The following C10orf143 variants were observed in gnomAD, a reference collection of about 807,000 sequenced individuals.
C10orf143 encodes the protein uncharacterized protein C10orf143.
At chr10:130,060,340 T>C (rs1860840252), downstream of C10orf143, among the ~76,000 whole-genome samples, 1 of 152,192 alleles carries the variant, frequency 6.6e-6, no homozygotes, top group South Asian at 2.1e-4. Flanking sequence ...TATAAGGATG[T>C]TTAGACAGCA....
chr10:130,101,077 G>A, intron 1 of C10orf143: 1 of 151,986 alleles, frequency 6.6e-6, no homozygotes, highest in East Asian at 1.9e-4. Flanking sequence ...AAATTAGCGG[G>A]GTGTGGTGGA....
At chr10:130,087,026 C>T (rs557492297) in intron 1 of C10orf143, among the ~76,000 whole-genome samples, 1 of 152,328 alleles carries the variant, frequency 6.6e-6, no homozygotes, top group African/African-American at 2.4e-5. Flanking sequence ...TACTCTGCCA[C>T]CAAGGCGAGC....
intron 3 of C10orf143, chr10:130,067,954 AG>A (rs1564958488): frequency 6.6e-6 from 1 of 152,392 alleles, no homozygotes; most frequent in Non-Finnish European, 1.5e-5. Flanking sequence ...GGGAGCCGCG[AG>A]GGACAGTGCA....
intron 3 of C10orf143, among the ~76,000 whole-genome samples, chr10:130,045,484 C>T (rs556151799): frequency 3.3e-5 from 5 of 152,362 alleles, no homozygotes; most frequent in Admixed American, 6.5e-5. Context: ...AGCAACGCCC[C>T]GCCCCGCAGC....
At chr10:130,057,997 A>G (rs764049120) in intron 3 of C10orf143, among the ~76,000 whole-genome samples, 5 of 152,200 alleles carry the variant, frequency 3.3e-5, no homozygotes, top group Admixed American at 6.5e-5. Flanking sequence ...TGTTCAAATT[A>G]TTCCCCAAAA....
intron 1 of C10orf143, chr10:130,104,858 A>T (rs1312125291): frequency 6.6e-6 from 1 of 152,160 alleles, no homozygotes; most frequent in Non-Finnish European, 1.5e-5. Flanking sequence ...GACAGCCCAC[A>T]GCATCACACT....
intron 1 of C10orf143, 104 bp downstream of exon 1, chr10:130,110,600 C>T: frequency 2.5e-6 from 1 of 398,016 alleles, no homozygotes; most frequent in Non-Finnish European, 4.4e-6. Flanking sequence ...TTGGGCCAGG[C>T]CTCCTCACAG....
intron 3 of C10orf143, among the ~76,000 whole-genome samples, chr10:130,037,062 C>G (rs1281856756): frequency 6.6e-6 from 1 of 152,084 alleles, no homozygotes; most frequent in Admixed American, 6.5e-5. Flanking sequence ...CTGGTACAAG[C>G]AGAATTGGAC....
chr10:130,082,873 T>C (rs1003798132), intron 1 of C10orf143, among the ~76,000 whole-genome samples: 1 of 144,714 alleles, frequency 6.9e-6, no homozygotes, highest in Non-Finnish European at 1.5e-5. Context: ...TAGGGAAAGA[T>C]TTTCTAACTA....
intron 1 of C10orf143, among the ~76,000 whole-genome samples, chr10:130,100,543 G>A (rs1173656932): frequency 1.3e-5 from 2 of 152,004 alleles, no homozygotes; most frequent in Non-Finnish European, 2.9e-5. Flanking sequence ...CCAAAGAACA[G>A]ACACAGATGT....
chr10:130,038,903 A>G (rs554232241), intron 3 of C10orf143, among the ~76,000 whole-genome samples: 46 of 152,296 alleles, frequency 3.0e-4, no homozygotes, highest in African/African-American at 1.1e-3. Context: ...GGCTCTGACC[A>G]CAGGGCAGGG....
chr10:130,108,385 C>A, intron 1 of C10orf143: 1 of 1,050,368 alleles, frequency 9.5e-7, no homozygotes, highest in Non-Finnish European at 1.5e-6. Flanking sequence ...GAAGTGAGTT[C>A]CCTTCAGGGC....
At chr10:130,107,406 A>G (rs1409970192) in intron 1 of C10orf143, 12 of 1,190,482 alleles carry the variant, frequency 1.0e-5, no homozygotes, top group African/African-American at 1.5e-5. Flanking sequence ...ATTATTTCCC[A>G]TGAGAAAAAG....
chr10:130,087,188 T>G (rs1861304528), intron 1 of C10orf143, among the ~76,000 whole-genome samples: 1 of 152,184 alleles, frequency 6.6e-6, no homozygotes, highest in Admixed American at 6.5e-5. Context: ...ACTTGGGAAA[T>G]AGTTCAGTTG....
At chr10:130,085,768 TAAC>T (rs952211551) in intron 1 of C10orf143, among the ~76,000 whole-genome samples, 2 of 130,790 alleles carry the variant, frequency 1.5e-5, no homozygotes, top group Admixed American at 8.6e-5. Context: ...TATTTCAAAA[TAAC>T]AAGTTTTTTA....
chr10:130,052,436 C>T (rs890741595), intron 3 of C10orf143, among the ~76,000 whole-genome samples: 2 of 152,048 alleles, frequency 1.3e-5, no homozygotes, highest in African/African-American at 4.8e-5. Context: ...AAGCACAGTC[C>T]CCCACACCCA....
intron 3 of C10orf143, among the ~76,000 whole-genome samples, chr10:130,058,782 A>G (rs1241455165): frequency 1.3e-5 from 2 of 152,180 alleles, no homozygotes; most frequent in East Asian, 1.9e-4. Context: ...CAATTCATCA[A>G]TAATCAGCAC....
Position 130,110,782 on chromosome 10 carries a change from G to C in C10orf143, c.-10C>G, listed in dbSNP as rs1861756535. On this transcript the variant is annotated 5_prime_UTR_variant, in exon 1 of 4. Transcript: ENST00000637128. ...GCGCTAAGCTGTCCATGCAGCCCCA[G>C]GGTCAAACCCTCCCGGCATCTCAGG... The C allele has an allele frequency of 2.5e-6, 1 of 398,810 alleles. No individual in the cohort carries two copies. Among genetic ancestry groups the C allele is most frequent in the Non-Finnish European group, 4.4e-6 (1 of 226,126 alleles). 24.7% of individuals were successfully genotyped at this position (398,810 alleles called of 1,614,324 possible). A position where few individuals can be genotyped will look rare whatever the true frequency, so the allele number is the denominator to read the frequency against.
chr10:130,057,756 G>A (rs1860811894), intron 3 of C10orf143, among the ~76,000 whole-genome samples: 1 of 152,210 alleles, frequency 6.6e-6, no homozygotes. Context: ...AGAGCACGCG[G>A]TAAAAGTGGC....
Sources: allele counts gnomAD v4.1 joint callset (sites outside exome capture counted in the v4.1 genomes callset), GRCh38; gene constraint gnomAD v4.1.1; transcripts MANE v1.5; gene names NCBI Gene and HGNC (gene_info 2026-07-23, HGNC 2026-07-21).